CCDC141: variants seen among roughly 807,000 people sequenced by gnomAD.
The protein encoded by CCDC141 is coiled-coil domain-containing protein 141.
Under a neutral mutation model 181.0 loss-of-function variants are expected in CCDC141, and 168 were observed. The ratio of observed to expected loss-of-function variants is 0.93; its 90% CI spans 0.82 to 1.05. The LOEUF (loss-of-function observed/expected upper bound fraction) is 1.05, where lower values mean the gene tolerates loss of function less well. Among genes scored for constraint, CCDC141 ranks in the 50% least tolerant of loss-of-function variants. The pLI is 0.00. For missense variants in CCDC141, 1,902 were observed against 1,788.5 expected, an observed-to-expected ratio of 1.06 and a Z score of -1.14; for synonymous variants, 666 against 642.3, an observed-to-expected ratio of 1.04 and a Z score of -0.56.
At chr2:178,861,328 G>A (rs527548373) in intron 17 of CCDC141, among the ~76,000 whole-genome samples, 1 of 152,104 alleles carries the variant, frequency 6.6e-6, no homozygotes, top group South Asian at 2.1e-4. Flanking sequence ...CACCATGCTC[G>A]GCTAATTTTT....
intron 4 of CCDC141, 59 bp downstream of exon 4, chr2:178,974,998 C>T (rs1161351094): frequency 5.6e-5 from 44 of 786,388 alleles, no homozygotes; most frequent in Non-Finnish European, 7.9e-5. Flanking sequence ...TAAGCATTCT[C>T]ACATTAACAT....
At chr2:179,009,143 T>C (rs2042193069) in intron 2 of CCDC141, among the ~76,000 whole-genome samples, 1 of 152,204 alleles carries the variant, frequency 6.6e-6, no homozygotes, top group South Asian at 2.1e-4. Flanking sequence ...CCATCTCTAA[T>C]ATACCTGGCA....
intron 6 of CCDC141, among the ~76,000 whole-genome samples, chr2:178,935,155 A>G (rs1474072672): frequency 6.6e-6 from 1 of 152,030 alleles, no homozygotes; most frequent in Non-Finnish European, 1.5e-5. Flanking sequence ...TCAGGGATAC[A>G]GTGAAGGTTT....
At chr2:178,872,633 TGCGTATACCTATAC>T (rs1190036685) in intron 12 of CCDC141, among the ~76,000 whole-genome samples, 1 of 152,192 alleles carries the variant, frequency 6.6e-6, no homozygotes, top group Admixed American at 6.5e-5. Flanking sequence ...ATTTAAAAAA[TGCGTATACCTATAC>T]GCATTTTAAG....
intron 14 of CCDC141, among the ~76,000 whole-genome samples, chr2:178,869,610 TA>T (rs548564188): frequency 1.1e-3 from 173 of 152,358 alleles, no homozygotes; most frequent in South Asian, 3.9e-3. Context: ...ATCTGTTAAG[TA>T]AATGTATTTT....
chr2:179,046,170 C>T lies in CCDC141; in HGVS notation c.225+1114G>A, dbSNP rs148735227. On this transcript the variant is annotated intron_variant, in intron 2 of 23. Coordinates refer to ENST00000443758, the MANE Select transcript of CCDC141 (RefSeq NM_173648.4). ...CCTAGTCTTTGCAGTTCTCTGAATCCGCATTAAATCTCTTTGAACCTCTTT... is the reference window on the plus strand; with the variant it reads ...CCTAGTCTTTGCAGTTCTCTGAATCTGCATTAAATCTCTTTGAACCTCTTT... 3.8e-4 allele frequency among the ~76,000 whole-genome samples: 58 copies of T among 152,258 alleles called. 1 individual carries two copies. The highest frequency in any genetic ancestry group is 1.3e-3 in the African/African-American group (53 of 41,566).
Position 178,931,170 on chromosome 2 carries a change from T to A in CCDC141, c.898-12263A>T, listed in dbSNP as rs1191375389. Among the ~76,000 whole-genome samples the A allele has an allele frequency of 2.6e-5, 4 of 151,880 alleles. No individual in the cohort carries two copies. In the South Asian group the frequency reaches 8.3e-4, roughly 31 times the overall value. On this transcript the variant is annotated intron_variant, in intron 6 of 23. Transcript: ENST00000443758. ...TATAAAAATCAAACAAAATGAAAAATAACAAGTGCTGAAGAGGATGTAGAG... is the reference window on the plus strand; with the variant it reads ...TATAAAAATCAAACAAAATGAAAAAAAACAAGTGCTGAAGAGGATGTAGAG...
rs978940916 is a variant in CCDC141 at position 178,860,497 on chromosome 2, C to T, written c.2725-4100G>A. On this transcript the variant is annotated intron_variant, in intron 17 of 23. Coordinates refer to ENST00000443758, the MANE Select transcript of CCDC141 (RefSeq NM_173648.4). ...GCAGTGAGCCAAGATTGCACCATTG[C>T]ACTCCAGCCAGGGCAACAGAGCGAG... 1.8e-4 allele frequency among the ~76,000 whole-genome samples: 26 copies of T among 145,738 alleles called. No individual in the cohort carries two copies. In the South Asian group the frequency reaches 5.1e-3, roughly 29 times the overall value.
At chr2:178,974,857 C>G (rs1575288889) in intron 4 of CCDC141, among the ~76,000 whole-genome samples, 200 bp downstream of exon 4, 1 of 152,152 alleles carries the variant, frequency 6.6e-6, no homozygotes, top group Non-Finnish European at 1.5e-5. Flanking sequence ...GAGGCATATC[C>G]TCTACCATCC....
intron 8 of CCDC141, among the ~76,000 whole-genome samples, chr2:178,894,301 C>G (rs1395970748): frequency 6.6e-6 from 1 of 151,866 alleles, no homozygotes; most frequent in Non-Finnish European, 1.5e-5. Flanking sequence ...GAGGAAAGAG[C>G]AAAGAGAGAA....
intron 2 of CCDC141, among the ~76,000 whole-genome samples, chr2:178,996,618 C>A (rs1692299747): frequency 6.6e-6 from 1 of 152,112 alleles, no homozygotes; most frequent in Non-Finnish European, 1.5e-5. Context: ...TATTTTCCTA[C>A]TCAAATGACA....
chr2:178,884,611 T>C (rs1177766936), intron 11 of CCDC141, among the ~76,000 whole-genome samples: 1 of 152,152 alleles, frequency 6.6e-6, no homozygotes, highest in African/African-American at 2.4e-5. Context: ...CTTTCTCCTT[T>C]AAATACTGAA....
intron 2 of CCDC141, among the ~76,000 whole-genome samples, chr2:179,039,023 C>T (rs2043221692): frequency 6.6e-6 from 1 of 152,200 alleles, no homozygotes; most frequent in South Asian, 2.1e-4. Context: ...ATAGTAGCCA[C>T]AGGCAGATCT....
chr2:179,025,987 G>C (rs541856912), intron 2 of CCDC141, among the ~76,000 whole-genome samples: 1 of 152,288 alleles, frequency 6.6e-6, no homozygotes, highest in African/African-American at 2.4e-5. Context: ...AAGCAACAAA[G>C]CATTCAAGAG....
chr2:178,985,966 A>G (rs1282902160), intron 2 of CCDC141, among the ~76,000 whole-genome samples: 1 of 152,242 alleles, frequency 6.6e-6, no homozygotes, highest in Non-Finnish European at 1.5e-5. Context: ...AACTCATTTT[A>G]TGAGGCCAGC....
At chr2:179,022,703 T>C (rs1285945050) in intron 2 of CCDC141, among the ~76,000 whole-genome samples, 2 of 152,190 alleles carry the variant, frequency 1.3e-5, no homozygotes, top group Admixed American at 1.3e-4. Context: ...GCTTTGTGAG[T>C]CTACCAGGGT....
intron 6 of CCDC141, among the ~76,000 whole-genome samples, chr2:178,935,327 A>G (rs1438858875): frequency 6.6e-6 from 1 of 152,122 alleles, no homozygotes; most frequent in African/African-American, 2.4e-5. Flanking sequence ...CTTTGTGTTC[A>G]TAAGTGCTCA....
chr2:178,890,042 T>A (rs957350238), intron 8 of CCDC141, among the ~76,000 whole-genome samples: 6 of 152,220 alleles, frequency 3.9e-5, no homozygotes, highest in Admixed American at 1.3e-4. Context: ...AGCTTTCCTA[T>A]ATACTGTAGG....
At position 178,905,342 on chromosome 2, in the gene CCDC141, C is replaced by G; in HGVS notation, c.1252G>C (p.Val418Leu). ...LQKGQTLISQ[V>L]DSCSSQVSGI... ...AACTTTACTCACCTGCAGGAGTCTA[C>G]TTGGCTGATTAAGGTTTGTCCCTTT... Residue 418 changes from valine to leucine, a missense_variant, in exon 8 of 24, where the codon GTA (valine) becomes CTA (leucine). Val to Leu is a conservative substitution (Grantham distance 32). Transcript: ENST00000443758. 5.2e-6 allele frequency: 8 copies of G among 1,549,058 alleles called. No individual in the cohort carries two copies. Among genetic ancestry groups the G allele is most frequent in the Non-Finnish European group, 7.0e-6 (8 of 1,146,458 alleles).
Sources: gnomAD v4.1 joint callset for allele counts (sites outside exome capture counted in the v4.1 genomes callset) on GRCh38, gnomAD v4.1.1 for gene constraint, MANE v1.5 for transcripts, NCBI Gene and HGNC (gene_info 2026-07-23, HGNC 2026-07-21) for gene names.